NBEAL1: variants seen among roughly 807,000 people sequenced by gnomAD.
NBEAL1 encodes neurobeachin-like protein 1.
A neutral mutation model predicts 351.3 loss-of-function variants in NBEAL1; 273 were observed. The observed-to-expected ratio is 0.78, with a 90% CI of 0.70 to 0.86. The LOEUF is 0.86. Among genes scored for constraint, NBEAL1 ranks in the 40% least tolerant of loss-of-function variants. The pLI is 0.00. For synonymous variants in NBEAL1, 1,050 were observed against 1,086.4 expected, an observed-to-expected ratio of 0.97 and a Z score of 0.66; for missense variants, 2,961 against 3,201.3, an observed-to-expected ratio of 0.92 and a Z score of 1.81.
intron 4 of NBEAL1, 88 bp from the exon 5 acceptor site, chr2:203,056,339 A>T (rs758184817): frequency 1.4e-6 from 1 of 733,172 alleles, no homozygotes. Flanking sequence ...GTTTGCCAGC[A>T]TGTGTTCTCA....
At chr2:203,039,426 T>C (rs2061100847) in intron 2 of NBEAL1, among the ~76,000 whole-genome samples, 2 of 142,246 alleles carry the variant, frequency 1.4e-5, no homozygotes, top group African/African-American at 2.5e-5. Flanking sequence ...CTTTCCGAGA[T>C]AGAGTCTTGC....
In NBEAL1 at chr2:203,014,886, T is replaced by G. The variant is rs995381094; in HGVS notation, c.-326T>G. 6.6e-6 allele frequency: 1 copy of G among 152,384 alleles called. No individual in the cohort carries two copies. The highest frequency in any genetic ancestry group is 1.9e-4 in the East Asian group (1 of 5,166). The allele number at this position is 152,384 out of a possible 1,614,324, so 9.4% of individuals were successfully genotyped here. A position where few individuals can be genotyped will look rare whatever the true frequency, so the allele number is the denominator to read the frequency against. ...CGCCCCCATGTCCCGCCCGCTCGTC[T>G]GCCTGGCTGCGGGGTGACACGGGGC... On this transcript the variant is annotated 5_prime_UTR_variant, in exon 1 of 56. Transcript: ENST00000683969.
intron 31 of NBEAL1, among the ~76,000 whole-genome samples, chr2:203,141,378 T>TTTATTTTTA (rs2063375250): frequency 1.3e-5 from 1 of 79,778 alleles, no homozygotes; most frequent in African/African-American, 4.8e-5. Context: ...TTTTTTTTTT[T>TTTATTTTTA]TTTTTTTTTT....
intron 14 of NBEAL1, 36 bp from the exon 15 acceptor site, chr2:203,110,114 A>G: frequency 6.5e-6 from 10 of 1,530,846 alleles, no homozygotes; most frequent in Non-Finnish European, 8.8e-6. Context: ...CTGAACAACC[A>G]ACTTTAAAAG....
chr2:203,050,156 A>G (rs1363114479), intron 4 of NBEAL1, 181 bp downstream of exon 4: 4 of 513,762 alleles, frequency 7.8e-6, no homozygotes, highest in Non-Finnish European at 1.4e-5. Flanking sequence ...GCAGCAAACC[A>G]CTATGGCATG....
rs1209300163 is a variant in NBEAL1, at chr2:203,217,756, A to C, written c.*402A>C. The C allele has an allele frequency of 3.1e-6, 3 of 974,620 alleles. No homozygotes were observed. Among genetic ancestry groups the C allele is most frequent in the African/African-American group, 3.5e-5 (2 of 57,038 alleles). 60.4% of individuals were successfully genotyped at this position (974,620 alleles called of 1,614,324 possible). Reference sequence around the variant, plus strand: ...TTCCTATTTACTGACCACTGTAATGAAAATATATCAATTTATTTATGGAAC... The same window carrying C: ...TTCCTATTTACTGACCACTGTAATGCAAATATATCAATTTATTTATGGAAC... On this transcript the variant is annotated 3_prime_UTR_variant, in exon 56 of 56. Transcript: ENST00000683969.
At chr2:203,033,695 C>G (rs1368537656) in intron 2 of NBEAL1, among the ~76,000 whole-genome samples, 2 of 152,102 alleles carry the variant, frequency 1.3e-5, no homozygotes, top group Non-Finnish European at 2.9e-5. Context: ...CCAATTGTAT[C>G]TATTATCATC....
At chr2:203,130,051 T>C (rs768166428) in intron 24 of NBEAL1, among the ~76,000 whole-genome samples, 14 of 152,144 alleles carry the variant, frequency 9.2e-5, no homozygotes, top group Non-Finnish European at 1.9e-4. Flanking sequence ...CAGTACCAGC[T>C]ACCTGGGAGG....
intron 54 of NBEAL1, among the ~76,000 whole-genome samples, chr2:203,212,686 T>C (rs1276945123): frequency 6.6e-6 from 1 of 151,840 alleles, no homozygotes; most frequent in Non-Finnish European, 1.5e-5. Flanking sequence ...CTAAATTATA[T>C]GATTCCAGTT....
At chr2:203,089,266 A>C (rs531976758) in intron 10 of NBEAL1, among the ~76,000 whole-genome samples, 57 of 151,912 alleles carry the variant, frequency 3.8e-4, no homozygotes, top group African/African-American at 1.3e-3. Flanking sequence ...GGCTGAGGCA[A>C]GAGAATCACT....
chr2:203,023,704 A>C (rs190011147), intron 2 of NBEAL1, among the ~76,000 whole-genome samples: 1 of 152,134 alleles, frequency 6.6e-6, no homozygotes, highest in East Asian at 1.9e-4. Flanking sequence ...TCAGGTAAGC[A>C]TGCTGACTTT....
At chr2:203,043,182 AT>A (rs1317169221) in intron 3 of NBEAL1, among the ~76,000 whole-genome samples, 1 of 152,148 alleles carries the variant, frequency 6.6e-6, no homozygotes, top group Non-Finnish European at 1.5e-5. Context: ...AAGTGTTTAG[AT>A]TTTTAGAAAC....
Position 203,192,976 on chromosome 2 carries a change from T to C in NBEAL1, c.6922-819T>C, listed in dbSNP as rs1377088492. 8.0e-5 allele frequency among the ~76,000 whole-genome samples: 11 copies of C among 136,986 alleles called. No homozygotes were observed. In the East Asian group the frequency reaches 1.1e-3, roughly 13 times the overall value. 89.9% of individuals were successfully genotyped at this position (136,986 alleles called of 152,430 possible). Reference sequence around the variant, plus strand: ...TTTTCTTTCTTTCTTTTTTTTTTTTTTTTTTTTTTTTTTGAGATGGAGTCT... The same window carrying C: ...TTTTCTTTCTTTCTTTTTTTTTTTTCTTTTTTTTTTTTTGAGATGGAGTCT... On this transcript the variant is annotated intron_variant, in intron 46 of 55. Coordinates refer to ENST00000683969, the MANE Select transcript of NBEAL1 (RefSeq NM_001378026.1).
At chr2:203,046,812 T>G (rs1253495081) in intron 3 of NBEAL1, among the ~76,000 whole-genome samples, 1 of 152,130 alleles carries the variant, frequency 6.6e-6, no homozygotes, top group Non-Finnish European at 1.5e-5. Flanking sequence ...TTACAACATA[T>G]GAAATTTGGG....
chr2:203,054,362 G>T (rs983823012), intron 4 of NBEAL1, among the ~76,000 whole-genome samples: 6 of 151,516 alleles, frequency 4.0e-5, no homozygotes, highest in Non-Finnish European at 7.4e-5. Flanking sequence ...GGAGGCGGAG[G>T]TTGCAGTGAG....
intron 2 of NBEAL1, among the ~76,000 whole-genome samples, chr2:203,026,381 A>G (rs905409414): frequency 1.3e-5 from 2 of 152,200 alleles, no homozygotes; most frequent in Non-Finnish European, 2.9e-5. Context: ...GTGTGTATAC[A>G]TTAAGATGTG....
At position 203,188,593 on chromosome 2, in the gene NBEAL1, T is replaced by C; in HGVS notation, c.6823+4T>C. 6.6e-7 allele frequency: 1 copy of C among 1,512,358 alleles called. No homozygotes were observed. The highest frequency in any genetic ancestry group is 9.1e-7 in the Non-Finnish European group (1 of 1,098,998). The allele number at this position is 1,512,358 out of a possible 1,614,324, so 93.7% of individuals were successfully genotyped here. ...TTCTATTATTGTAGTTATGAAGGTA[T>C]AAATCTATACACTTTTTCTCTTGCT... On this transcript the variant is annotated splice_donor_region_variant and intron_variant, in intron 45 of 55. Transcript: ENST00000683969.
rs564303302 is a variant in NBEAL1, at chr2:203,096,747, G to A, written c.1099-800G>A. Among the ~76,000 whole-genome samples, 7 of 152,226 alleles carry A rather than the reference G, an allele frequency of 4.6e-5. 1 individual carries two copies. In the South Asian group the frequency reaches 1.0e-3, roughly 23 times the overall value. On this transcript the variant is annotated intron_variant, in intron 10 of 55. Transcript: ENST00000683969. ...AGATAAATTTTGGAAATGCTGCACC[G>A]TGACCTCCCTTGTCAAAGTATCCAT...
At chr2:203,033,560 G>A (rs776646376) in intron 2 of NBEAL1, among the ~76,000 whole-genome samples, 5 of 152,126 alleles carry the variant, frequency 3.3e-5, no homozygotes, top group Non-Finnish European at 5.9e-5. Flanking sequence ...AGTAGTAATG[G>A]TGTTATTATG....
Sources: gnomAD v4.1 joint callset for allele counts (sites outside exome capture counted in the v4.1 genomes callset) on GRCh38, gnomAD v4.1.1 for gene constraint, MANE v1.5 for transcripts, NCBI Gene and HGNC (gene_info 2026-07-23, HGNC 2026-07-21) for gene names.